Variants in PTPRD observed in about 807,000 individuals in gnomAD.
The protein encoded by PTPRD is receptor-type tyrosine-protein phosphatase delta.
A neutral mutation model predicts 214.5 loss-of-function variants in PTPRD; 34 were observed. The ratio of observed to expected loss-of-function variants is 0.16; its 90% CI spans 0.12 to 0.21. PTPRD has a LOEUF of 0.21. Among genes scored for constraint, PTPRD ranks in the 10% least tolerant of loss-of-function variants. The pLI is 1.00. For missense variants in PTPRD, 2,545 were observed against 2,398.7 expected, an observed-to-expected ratio of 1.06 and a Z score of -1.27; for synonymous variants, 1,128 against 845.7, an observed-to-expected ratio of 1.33 and a Z score of -5.79.
chr9:9,158,026 T>C (rs964565822), intron 10 of PTPRD, among the ~76,000 whole-genome samples: 4 of 152,186 alleles, frequency 2.6e-5, no homozygotes, highest in Non-Finnish European at 5.9e-5. Context: ...AGTCCATCCA[T>C]GTCCCTGCAA....
At chr9:9,527,772 A>G (rs972209002) in intron 8 of PTPRD, among the ~76,000 whole-genome samples, 1 of 152,166 alleles carries the variant, frequency 6.6e-6, no homozygotes, top group African/African-American at 2.4e-5. Context: ...GAAATTTTAT[A>G]TAAAATATGT....
intron 8 of PTPRD, among the ~76,000 whole-genome samples, chr9:9,429,569 G>C (rs1361720461): frequency 1.3e-5 from 2 of 152,150 alleles, no homozygotes; most frequent in Non-Finnish European, 2.9e-5. Context: ...GCATCATCCT[G>C]ATACCAAAGC....
intron 3 of PTPRD, among the ~76,000 whole-genome samples, chr9:10,101,483 C>G (rs995746193): frequency 6.6e-6 from 1 of 151,570 alleles, no homozygotes; most frequent in African/African-American, 2.4e-5. Flanking sequence ...AGGGCACAAA[C>G]TTAGCAATGA....
At chr9:9,649,928 T>G (rs533413980) in intron 7 of PTPRD, among the ~76,000 whole-genome samples, 1 of 152,326 alleles carries the variant, frequency 6.6e-6, no homozygotes, top group South Asian at 2.1e-4. Context: ...AGAAATGTGA[T>G]AGTATACTGT....
At chr9:8,800,498 T>A (rs1454669628) in intron 11 of PTPRD, among the ~76,000 whole-genome samples, 1 of 152,128 alleles carries the variant, frequency 6.6e-6, no homozygotes, top group Non-Finnish European at 1.5e-5. Flanking sequence ...AAAACCAAGA[T>A]GGCCACAAGA....
intron 2 of PTPRD, among the ~76,000 whole-genome samples, chr9:10,600,610 G>A (rs2077721874): frequency 1.3e-5 from 2 of 151,804 alleles, no homozygotes; most frequent in East Asian, 1.9e-4. Context: ...GTTGGCAGGG[G>A]AGACACAACA....
chr9:9,683,585 G>A (rs7019835), intron 7 of PTPRD, among the ~76,000 whole-genome samples: 58,045 of 151,498 alleles, frequency 0.38, 11,383 homozygotes, highest in Admixed American at 0.51. Context: ...AAGGAAAAAG[G>A]GGACTAATAA....
intron 12 of PTPRD, among the ~76,000 whole-genome samples, chr9:8,657,657 T>G (rs1325879347): frequency 6.6e-6 from 1 of 152,220 alleles, no homozygotes; most frequent in African/African-American, 2.4e-5. Context: ...CATTCATCAA[T>G]TTTTGCTTTT....
At chr9:9,908,137 C>G (rs1411982810) in intron 5 of PTPRD, among the ~76,000 whole-genome samples, 2 of 151,332 alleles carry the variant, frequency 1.3e-5, no homozygotes, top group African/African-American at 2.4e-5. Flanking sequence ...AAAAAAGTAT[C>G]TAGTTGGGCA....
chr9:10,552,003 T>A (rs2061463916), intron 2 of PTPRD, among the ~76,000 whole-genome samples: 1 of 152,172 alleles, frequency 6.6e-6, no homozygotes, highest in South Asian at 2.1e-4. Flanking sequence ...GCCAAATCAC[T>A]TCTCTATGGA....
intron 39 of PTPRD, among the ~76,000 whole-genome samples, chr9:8,361,452 A>G (rs1226006438): frequency 6.6e-6 from 1 of 152,176 alleles, no homozygotes; most frequent in East Asian, 1.9e-4. Context: ...TCATGCTATA[A>G]AAGACTTCAG....
intron 3 of PTPRD, among the ~76,000 whole-genome samples, chr9:10,099,126 G>A (rs1455991045): frequency 6.6e-6 from 1 of 151,712 alleles, no homozygotes; most frequent in Non-Finnish European, 1.5e-5. Flanking sequence ...ATTGAGACTA[G>A]TAGTTTTTGT....
At chr9:9,835,245 T>C (rs1423914252) in intron 5 of PTPRD, among the ~76,000 whole-genome samples, 1 of 152,126 alleles carries the variant, frequency 6.6e-6, no homozygotes, top group Non-Finnish European at 1.5e-5. Context: ...CATTCCAAAA[T>C]GAAGGCCACT....
At chr9:10,119,471 G>A (rs575556130) in intron 3 of PTPRD, among the ~76,000 whole-genome samples, 1 of 152,034 alleles carries the variant, frequency 6.6e-6, no homozygotes, top group East Asian at 1.9e-4. Flanking sequence ...GTTTAAAACG[G>A]TTCTAGTAGT....
In PTPRD at chr9:9,602,210, T is replaced by C. The variant is rs138746436; in HGVS notation, c.-286-27429A>G. ...CTTTTTGAAGAAAACTATGTTATCA[T>C]TAAACATGTTAATATTTACTTTCAG... is the stretch of plus-strand genomic sequence containing the variant. On this transcript the variant is annotated intron_variant, in intron 7 of 45. Coordinates refer to ENST00000381196, the MANE Select transcript of PTPRD (RefSeq NM_002839.4). 9.2e-5 allele frequency among the ~76,000 whole-genome samples: 14 copies of C among 152,214 alleles called. 1 individual carries two copies. Among genetic ancestry groups the C allele is most frequent in the African/African-American group, 3.4e-4 (14 of 41,580 alleles).
At chr9:9,369,172 T>C (rs1265511375) in intron 9 of PTPRD, among the ~76,000 whole-genome samples, 1 of 152,046 alleles carries the variant, frequency 6.6e-6, no homozygotes, top group African/African-American at 2.4e-5. Flanking sequence ...TGTTGGACAT[T>C]TGAGTTGGTT....
chr9:9,235,949 C>T (rs892014456), intron 9 of PTPRD, among the ~76,000 whole-genome samples: 1 of 152,004 alleles, frequency 6.6e-6, no homozygotes, highest in Admixed American at 6.6e-5. Context: ...CAATTCTAAA[C>T]AATAAGGGGT....
chr9:10,325,182 G>A (rs957197239), intron 3 of PTPRD, among the ~76,000 whole-genome samples: 10 of 151,920 alleles, frequency 6.6e-5, no homozygotes, highest in African/African-American at 2.2e-4. Flanking sequence ...TTGTTAAAAG[G>A]CAGATTCTGT....
At chr9:9,462,895 C>T (rs1049964340) in intron 8 of PTPRD, among the ~76,000 whole-genome samples, 2 of 152,024 alleles carry the variant, frequency 1.3e-5, no homozygotes, top group African/African-American at 2.4e-5. Flanking sequence ...CTGTGACCCA[C>T]AAAAAATGAA....
Sources: gnomAD v4.1 joint callset for allele counts (sites outside exome capture counted in the v4.1 genomes callset) on GRCh38, gnomAD v4.1.1 for gene constraint, MANE v1.5 for transcripts, NCBI Gene and HGNC (gene_info 2026-07-23, HGNC 2026-07-21) for gene names.